The following PHKB variants were observed in gnomAD, a reference collection of about 807,000 sequenced individuals.
PHKB encodes phosphorylase b kinase regulatory subunit beta.
A neutral mutation model predicts 152.1 loss-of-function variants in PHKB; 122 were observed. That is an observed-to-expected ratio of 0.80 (90% CI 0.69 to 0.93). The LOEUF (loss-of-function observed/expected upper bound fraction) is 0.93, where lower values mean the gene tolerates loss of function less well. Among genes scored for constraint, PHKB ranks in the 40% least tolerant of loss-of-function variants. PHKB has a pLI of 0.00. For synonymous variants in PHKB, 436 were observed against 464.9 expected (o/e 0.94, Z 0.80); for missense variants, 1,304 against 1,328.4 (o/e 0.98, Z 0.29).
intron 6 of PHKB, among the ~76,000 whole-genome samples, chr16:47,535,422 T>C (rs994006183): frequency 6.6e-6 from 1 of 152,224 alleles, no homozygotes; most frequent in Non-Finnish European, 1.5e-5. Context: ...ATCTAATTTC[T>C]CCATAATAAA....
At chr16:47,461,487 C>T in intron 1 of PHKB, 61 bp downstream of exon 1, 1 of 1,567,778 alleles carries the variant, frequency 6.4e-7, no homozygotes, top group Non-Finnish European at 8.8e-7. Context: ...TCGCCTCAAG[C>T]GCCTTGGCGG....
chr16:47,693,387 G>A lies in PHKB; in HGVS notation c.2775G>A (p.Leu925=), dbSNP rs1450032412. 20 of 1,613,894 alleles carry A rather than the reference G, an allele frequency of 1.2e-5. No homozygotes were observed. The Admixed American group carries it at 3.3e-4, about 27-fold the overall frequency. The change falls in exon 28 of 31, where the codon CTG becomes CTA. Residue 925 remains leucine, a synonymous_variant. Transcript: ENST00000323584. ...LQPQQNGRCW[L]NRRQIDGSLN... ...TTGCCTTTTGTTACAGATGTTGGCT[G>A]AACAGGCGTCAGATCGATGGGTCTT...
chr16:47,627,195 T>C (rs962819480), intron 14 of PHKB, among the ~76,000 whole-genome samples: 3 of 152,206 alleles, frequency 2.0e-5, no homozygotes, highest in Non-Finnish European at 4.4e-5. Flanking sequence ...TTTCCTGATG[T>C]TGATCTTTCC....
intron 26 of PHKB, among the ~76,000 whole-genome samples, chr16:47,686,817 G>A (rs1973973434): frequency 6.6e-6 from 1 of 152,092 alleles, no homozygotes; most frequent in Non-Finnish European, 1.5e-5. Context: ...GTATTTTAGT[G>A]AGTATATAGC....
At position 47,628,591 on chromosome 16, in the gene PHKB, A is replaced by C. The variant is rs1320823675; in HGVS notation, c.1459-12444A>C. Among the ~76,000 whole-genome samples, 10 of 152,210 alleles carry C rather than the reference A, an allele frequency of 6.6e-5. No individual in the cohort carries two copies. The East Asian group carries it at 1.9e-3, about 29-fold the overall frequency. ...ACTAGGGCTCAATACAATTGCAAAA[A>C]TTAGAATTATGAGCTTTACATGCTA... On this transcript the variant is annotated intron_variant, in intron 14 of 30. Transcript: ENST00000323584.
intron 6 of PHKB, among the ~76,000 whole-genome samples, chr16:47,546,493 G>A (rs758118949): frequency 2.0e-5 from 3 of 152,130 alleles, no homozygotes; most frequent in African/African-American, 7.2e-5. Flanking sequence ...ACTCAGAGGG[G>A]CACCCAGCTG....
chr16:47,504,940 G>C lies in PHKB; in HGVS notation c.405+1850G>C, dbSNP rs147584121. 7.5e-3 allele frequency among the ~76,000 whole-genome samples: 1,143 copies of C among 152,346 alleles called. 19 individuals are homozygous for C. The highest frequency in any genetic ancestry group is 0.026 in the African/African-American group (1,084 of 41,582). Reference sequence around the variant, plus strand: ...GTTAGGACCTGAAAGATGATGAACTGTGCCTGGTCAGGGCAAAGCTGGAGG... The same window carrying C: ...GTTAGGACCTGAAAGATGATGAACTCTGCCTGGTCAGGGCAAAGCTGGAGG... On this transcript the variant is annotated intron_variant, in intron 4 of 30. Coordinates refer to ENST00000323584, the MANE Select transcript of PHKB (RefSeq NM_000293.3).
At chr16:47,650,230 C>G (rs950311150) in intron 18 of PHKB, among the ~76,000 whole-genome samples, 2 of 151,636 alleles carry the variant, frequency 1.3e-5, no homozygotes, top group Non-Finnish European at 2.9e-5. Flanking sequence ...TTGGCAGTCT[C>G]TAAATAAATA....
At chr16:47,512,598 A>G (rs546568888) in intron 5 of PHKB, among the ~76,000 whole-genome samples, 11 of 152,342 alleles carry the variant, frequency 7.2e-5, no homozygotes, top group African/African-American at 2.6e-4. Flanking sequence ...TCTGAAGTCC[A>G]TAAATTTTGT....
At chr16:47,679,109 T>A (rs986703098) in intron 26 of PHKB, among the ~76,000 whole-genome samples, 1 of 152,206 alleles carries the variant, frequency 6.6e-6, no homozygotes, top group Non-Finnish European at 1.5e-5. Flanking sequence ...CTGAGGGCTC[T>A]GTTCTGTTCC....
At chr16:47,503,292 G>A (rs930321175) in intron 4 of PHKB, among the ~76,000 whole-genome samples, 5 of 152,182 alleles carry the variant, frequency 3.3e-5, no homozygotes, top group African/African-American at 1.2e-4. Context: ...TTAAGCAAGA[G>A]GTGATTGAGA....
intron 4 of PHKB, among the ~76,000 whole-genome samples, chr16:47,509,586 A>G (rs1567285044): frequency 6.6e-6 from 1 of 152,204 alleles, no homozygotes; most frequent in Non-Finnish European, 1.5e-5. Context: ...ATTTCATGAA[A>G]TGTGGCCATT....
At chr16:47,475,524 A>G (rs939691258) in intron 1 of PHKB, among the ~76,000 whole-genome samples, 1 of 152,120 alleles carries the variant, frequency 6.6e-6, no homozygotes, top group African/African-American at 2.4e-5. Context: ...ACTTGATGCT[A>G]TAGATTTGAT....
chr16:47,654,740 C>G (rs544683524), intron 20 of PHKB, among the ~76,000 whole-genome samples: 9 of 144,864 alleles, frequency 6.2e-5, no homozygotes, highest in South Asian at 2.2e-4. Context: ...CTCATAGGTG[C>G]GAATTGAACA....
intron 27 of PHKB, among the ~76,000 whole-genome samples, chr16:47,690,409 A>C (rs967524358): frequency 2.6e-5 from 4 of 152,222 alleles, no homozygotes; most frequent in African/African-American, 9.6e-5. Flanking sequence ...TAATAAGACT[A>C]TATGAAAATT....
chr16:47,495,467 A>G (rs1024377624), intron 1 of PHKB, among the ~76,000 whole-genome samples: 1 of 152,072 alleles, frequency 6.6e-6, no homozygotes, highest in African/African-American at 2.4e-5. Context: ...GCAAAATACT[A>G]CCTCTACTAA....
At chr16:47,546,151 G>A (rs1259845960) in intron 6 of PHKB, among the ~76,000 whole-genome samples, 1 of 152,160 alleles carries the variant, frequency 6.6e-6, no homozygotes, top group African/African-American at 2.4e-5. Flanking sequence ...AGGAGCTACG[G>A]TTCTTTGGAG....
At chr16:47,469,155 A>G (rs1451877726) in intron 1 of PHKB, among the ~76,000 whole-genome samples, 1 of 152,240 alleles carries the variant, frequency 6.6e-6, no homozygotes, top group African/African-American at 2.4e-5. Context: ...CCTAAAGTCC[A>G]GAAGAGTGCC....
chr16:47,561,500 CAG>C (rs1280007175), intron 7 of PHKB: 3 of 152,184 alleles, frequency 2.0e-5, no homozygotes, highest in Non-Finnish European at 4.4e-5. Flanking sequence ...TTTTTAAAGT[CAG>C]AGTCATCACA....
Sources: gnomAD v4.1 joint callset for allele counts (sites outside exome capture counted in the v4.1 genomes callset) on GRCh38, gnomAD v4.1.1 for gene constraint, MANE v1.5 for transcripts, NCBI Gene and HGNC (gene_info 2026-07-23, HGNC 2026-07-21) for gene names.